Variants in TAMM41 observed in about 807,000 individuals in gnomAD.
The protein encoded by TAMM41 is phosphatidate cytidylyltransferase, mitochondrial.
Under a neutral mutation model 44.1 loss-of-function variants are expected in TAMM41, and 36 were observed. That is an observed-to-expected ratio of 0.82 (90% CI 0.63 to 1.08). The LOEUF (loss-of-function observed/expected upper bound fraction) is 1.08. Ranked by LOEUF, TAMM41 falls within the 50% of genes least tolerant of loss-of-function variation. TAMM41 has a pLI of 0.00. For missense variants in TAMM41, 417 were observed against 404.3 expected, an observed-to-expected ratio of 1.03 and a Z score of -0.27; for synonymous variants, 164 against 153.1, an observed-to-expected ratio of 1.07 and a Z score of -0.53.
the TAMM41 span, among the ~76,000 whole-genome samples, chr3:11,748,090 G>A: frequency 6.6e-6 from 1 of 151,632 alleles, no homozygotes. Context: ...GTCCAGGCTG[G>A]TCTCAAACTC....
chr3:11,840,079 T>C (rs2079365445), intron 2 of TAMM41, among the ~76,000 whole-genome samples: 2 of 152,028 alleles, frequency 1.3e-5, no homozygotes, highest in South Asian at 2.1e-4. Flanking sequence ...ACCTGTATGA[T>C]TGCATCCCCA....
At chr3:11,782,184 T>A in the TAMM41 span, among the ~76,000 whole-genome samples, 1 of 152,340 alleles carries the variant, frequency 6.6e-6, no homozygotes, top group East Asian at 1.9e-4. Flanking sequence ...CATACAGAAC[T>A]GAATTCAAAT....
intron 7 of TAMM41, chr3:11,807,553 A>C: frequency 6.5e-7 from 1 of 1,536,158 alleles, no homozygotes; most frequent in South Asian, 1.2e-5. Flanking sequence ...TTGATAAATA[A>C]AACAATATGA....
the TAMM41 span, among the ~76,000 whole-genome samples, chr3:11,782,184 T>C: frequency 5.3e-5 from 8 of 152,222 alleles, no homozygotes; most frequent in African/African-American, 1.4e-4. Context: ...CATACAGAAC[T>C]GAATTCAAAT....
intron 1 of TAMM41, among the ~76,000 whole-genome samples, chr3:11,846,278 G>A (rs950406851): frequency 6.6e-6 from 1 of 152,174 alleles, no homozygotes; most frequent in African/African-American, 2.4e-5. Context: ...CTGCCTAACT[G>A]CTTCTCCTGC....
chr3:11,815,820 A>T (rs577800892), intron 5 of TAMM41, among the ~76,000 whole-genome samples: 1 of 152,200 alleles, frequency 6.6e-6, no homozygotes, highest in South Asian at 2.1e-4. Context: ...TATTTAGAAC[A>T]TGGAGGTGAA....
the TAMM41 span, among the ~76,000 whole-genome samples, chr3:11,759,424 C>T: frequency 1.3e-5 from 2 of 151,788 alleles, no homozygotes; most frequent in Non-Finnish European, 2.9e-5. Flanking sequence ...GGGCATTGGG[C>T]CAGGCAGACA....
chr3:11,839,370 A>G, intron 2 of TAMM41, 56 bp from the exon 3 acceptor site: 2 of 1,138,022 alleles, frequency 1.8e-6, no homozygotes, highest in Admixed American at 1.9e-5. Context: ...TATTGCTTAT[A>G]CAAGTATAAA....
the TAMM41 span, among the ~76,000 whole-genome samples, chr3:11,741,090 A>G: frequency 2.7e-5 from 4 of 147,010 alleles, no homozygotes; most frequent in Non-Finnish European, 5.9e-5. Context: ...ATGGTGGCGC[A>G]TGCCTGTAAT....
the TAMM41 span, among the ~76,000 whole-genome samples, chr3:11,751,217 G>A: frequency 6.6e-6 from 1 of 150,984 alleles, no homozygotes; most frequent in African/African-American, 2.4e-5. Context: ...TCAGCCTCCT[G>A]AGTAGCTGGG....
the TAMM41 span, among the ~76,000 whole-genome samples, chr3:11,763,116 C>T: frequency 6.6e-6 from 1 of 152,042 alleles, no homozygotes; most frequent in Non-Finnish European, 1.5e-5. Context: ...TTCTCTTTTG[C>T]CAATTGGAAA....
At chr3:11,831,906 T>A (rs569445443) in intron 3 of TAMM41, among the ~76,000 whole-genome samples, 1 of 152,190 alleles carries the variant, frequency 6.6e-6, no homozygotes, top group African/African-American at 2.4e-5. Context: ...GAGGACTTAA[T>A]GGACCTTAAT....
intron 2 of TAMM41, 79 bp from the exon 3 acceptor site, chr3:11,839,393 A>T (rs1159401778): frequency 1.0e-6 from 1 of 962,232 alleles, no homozygotes. Context: ...ATAAGGAAAC[A>T]GATAAAATTC....
chr3:11,781,572 T>C, the TAMM41 span, among the ~76,000 whole-genome samples: 4 of 151,836 alleles, frequency 2.6e-5, no homozygotes, highest in Non-Finnish European at 5.9e-5. Context: ...CCATCTCTAC[T>C]AAAAATACGA....
chr3:11,772,679 T>C, the TAMM41 span, among the ~76,000 whole-genome samples: 1 of 152,176 alleles, frequency 6.6e-6, no homozygotes, highest in Non-Finnish European at 1.5e-5. Flanking sequence ...TTTGGGTAGA[T>C]ACCCAGTAAA....
At chr3:11,725,942 C>G in the TAMM41 span, among the ~76,000 whole-genome samples, 2 of 152,262 alleles carry the variant, frequency 1.3e-5, no homozygotes, top group East Asian at 3.9e-4. Flanking sequence ...CATCAGTTAA[C>G]AATTTCTTAA....
At chr3:11,768,280 G>A in the TAMM41 span, among the ~76,000 whole-genome samples, 1 of 151,914 alleles carries the variant, frequency 6.6e-6, no homozygotes, top group African/African-American at 2.4e-5. Flanking sequence ...GGGACTACAT[G>A]CATGTGCCAG....
chr3:11,755,728 A>G, the TAMM41 span, among the ~76,000 whole-genome samples: 6 of 152,178 alleles, frequency 3.9e-5, no homozygotes, highest in African/African-American at 1.4e-4. Context: ...CAAAGGCCCT[A>G]TCAGGCTCTG....
intron 3 of TAMM41, among the ~76,000 whole-genome samples, chr3:11,836,044 C>T (rs978670589): frequency 6.1e-5 from 9 of 147,248 alleles, no homozygotes; most frequent in African/African-American, 1.8e-4. Flanking sequence ...GGCTGGAGTG[C>T]GGAGTGCAAT....
Sources: gnomAD v4.1 joint callset for allele counts (sites outside exome capture counted in the v4.1 genomes callset) on GRCh38, gnomAD v4.1.1 for gene constraint, MANE v1.5 for transcripts, NCBI Gene and HGNC (gene_info 2026-07-23, HGNC 2026-07-21) for gene names.